TMED6: variants seen among roughly 807,000 people sequenced by gnomAD.
TMED6 encodes transmembrane emp24 domain-containing protein 6.
In TMED6, 17 loss-of-function variants were observed where a neutral mutation model predicts 26.5. That is an observed-to-expected ratio of 0.64 (90% CI 0.44 to 0.96). The LOEUF is 0.96. Ranked by LOEUF, TMED6 falls within the 40% of genes least tolerant of loss-of-function variation. The pLI is 0.00. For synonymous variants in TMED6, 107 were observed against 106.2 expected (o/e 1.01, Z -0.04); for missense variants, 309 against 296.5 (o/e 1.04, Z -0.31).
At chr16:69,344,645 C>T (rs749368508) in intron 3 of TMED6, among the ~76,000 whole-genome samples, 15 of 151,444 alleles carry the variant, frequency 9.9e-5, no homozygotes, top group African/African-American at 1.5e-4. Context: ...TGGTGGCACA[C>T]GCCTGTAATC....
intron 1 of TMED6, among the ~76,000 whole-genome samples, chr16:69,350,895 ATTTC>A (rs1264839097): frequency 4.6e-5 from 7 of 152,196 alleles, no homozygotes; most frequent in Non-Finnish European, 8.8e-5. Flanking sequence ...AAGTTAACCG[ATTTC>A]TAAGATAAAG....
Position 69,348,602 on chromosome 16 carries a change from G to A in TMED6, c.341-666C>T, listed in dbSNP as rs917368982. On this transcript the variant is annotated intron_variant, in intron 2 of 3. Transcript: ENST00000288025. ...GATTGGAAGGCACTACTGGCATGTAGGGGCCAAAGATGTTCAAGATCTTTT... is the reference window on the plus strand; with the variant it reads ...GATTGGAAGGCACTACTGGCATGTAAGGGCCAAAGATGTTCAAGATCTTTT... Among the ~76,000 whole-genome samples, 16 of 152,154 alleles carry A rather than the reference G, an allele frequency of 1.1e-4. No individual in the cohort carries two copies. In the East Asian group the frequency reaches 3.1e-3, roughly 29 times the overall value.
chr16:69,348,331 CAA>C (rs879764191), intron 2 of TMED6: 72 of 147,886 alleles, frequency 4.9e-4, no homozygotes, highest in South Asian at 1.8e-3. Context: ...TTAGGAAAGA[CAA>C]AAAAAAAAAA....
chr16:69,347,873 T>C lies in TMED6; in HGVS notation c.404A>G (p.Asn135Ser). 6.2e-7 allele frequency: 1 copy of C among 1,614,166 alleles called. No individual in the cohort carries two copies. The highest frequency in any genetic ancestry group is 2.2e-5 in the East Asian group (1 of 44,878). ...NHFGSVQVYL[N>S]FGVFYEGPET... Reference sequence around the variant, plus strand: ...AGGCCCCTCATAGAAGACCCCAAAGTTGAGGTACACTTGCACAGAACCGAA... The same window carrying C: ...AGGCCCCTCATAGAAGACCCCAAAGCTGAGGTACACTTGCACAGAACCGAA... Residue 135 changes from asparagine to serine, a missense_variant, in exon 3 of 4, where the codon AAC (asparagine) becomes AGC (serine). Coordinates refer to ENST00000288025, the MANE Select transcript of TMED6 (RefSeq NM_144676.4).
Position 69,351,738 on chromosome 16 carries a change from A to G in TMED6, c.16T>C (p.Phe6Leu), listed in dbSNP as rs76116020. The change falls in exon 1 of 4, where the codon TTT becomes CTT. Residue 6 changes from phenylalanine to leucine, a missense_variant. By Grantham distance (22) the Phe-to-Leu change is conservative (BLOSUM62 0). Coordinates refer to ENST00000288025, the MANE Select transcript of TMED6 (RefSeq NM_144676.4). ...TTCAGAACGACCAGCCCAGCCCCAA[A>G]GAGCAAAGGGGACATGCCGCTTTCT... MSPLL[F>L]GAGLVVLNLV... The G allele has an allele frequency of 0.035, 55,671 of 1,612,904 alleles. 1,105 individuals are homozygous for G. Among genetic ancestry groups the G allele is most frequent in the Non-Finnish European group, 0.041 (48,187 of 1,179,916 alleles).
chr16:69,345,678 C>CAAAA (rs34468905), intron 3 of TMED6, among the ~76,000 whole-genome samples: 4 of 43,430 alleles, frequency 9.2e-5, no homozygotes, highest in Admixed American at 3.5e-4. Flanking sequence ...CTGACTCTCT[C>CAAAA]AAAAAAAAAA....
chr16:69,350,983 G>A (rs2012766884), intron 1 of TMED6, among the ~76,000 whole-genome samples: 3 of 151,958 alleles, frequency 2.0e-5, no homozygotes, highest in Admixed American at 2.0e-4. Context: ...TAAGACCATA[G>A]TATGGGTAAA....
intron 2 of TMED6, 31 bp downstream of exon 2, chr16:69,349,494 T>G: frequency 1.2e-6 from 2 of 1,606,222 alleles, no homozygotes; most frequent in Non-Finnish European, 1.7e-6. Context: ...ACCCTATGAT[T>G]ATTATAATAG....
intron 1 of TMED6, 145 bp downstream of exon 1, chr16:69,351,396 T>G: frequency 4.1e-6 from 3 of 731,458 alleles, no homozygotes; most frequent in East Asian, 2.7e-5. Context: ...GGAGTTTCCC[T>G]CTAACTGCAG....
chr16:69,345,021 G>A (rs1219189858), intron 3 of TMED6, among the ~76,000 whole-genome samples: 9 of 152,008 alleles, frequency 5.9e-5, no homozygotes, highest in African/African-American at 1.2e-4. Context: ...CCCGGGAGGC[G>A]GAGGTTGCAG....
chr16:69,347,824 T>C lies in TMED6; in HGVS notation c.453A>G (p.Glu151=). The C allele has an allele frequency of 6.2e-7, 1 of 1,614,216 alleles. No homozygotes were observed. The highest frequency in any genetic ancestry group is 1.1e-5 in the South Asian group (1 of 91,090). ...EGPETDHKQK[E]RKQLNDTLDA... Reference sequence around the variant, plus strand: ...CCAGAGTATCATTCAGTTGTTTTCTTTCCTTCTGTTTGTGATCAGTCTCAG... The same window carrying C: ...CCAGAGTATCATTCAGTTGTTTTCTCTCCTTCTGTTTGTGATCAGTCTCAG... Residue 151 remains glutamate (E), a synonymous_variant, in exon 3 of 4, where the codon GAA becomes GAG. Transcript: ENST00000288025.
rs1026872157 is a variant in TMED6, at chr16:69,343,252, T to C, written c.*155A>G. 27 of 657,328 alleles carry C rather than the reference T, an allele frequency of 4.1e-5. No individual in the cohort carries two copies. The highest frequency in any genetic ancestry group is 8.9e-5 in the Admixed American group (3 of 33,776). 40.7% of individuals were successfully genotyped at this position (657,328 alleles called of 1,614,324 possible). On this transcript the variant is annotated 3_prime_UTR_variant, in exon 4 of 4. Coordinates refer to ENST00000288025, the MANE Select transcript of TMED6 (RefSeq NM_144676.4). ...TTTAATACATACTTCTTCAGAACTT[T>C]TTCACTGTTATGATTTTATTGCCAT...
rs761371860 is a variant in TMED6, at chr16:69,347,925, G to A, written c.352C>T (p.Leu118Phe). ...FSTQETGFYQ[L>F]CLSNQHNHFG... is the part of the protein sequence containing the mutation. Reference sequence around the variant, plus strand: ...TGATTATGCTGATTACTTAGACAAAGCTGATAAAAACCTGTAGGAATTCTT... The same window carrying A: ...TGATTATGCTGATTACTTAGACAAAACTGATAAAAACCTGTAGGAATTCTT... Residue 118 changes from leucine to phenylalanine, a missense_variant, in exon 3 of 4, where the codon CTT (leucine) becomes TTT (phenylalanine). Coordinates refer to ENST00000288025, the MANE Select transcript of TMED6 (RefSeq NM_144676.4). 21 of 1,613,918 alleles carry A rather than the reference G, an allele frequency of 1.3e-5. No homozygotes were observed. The highest frequency in any genetic ancestry group is 1.7e-5 in the Non-Finnish European group (20 of 1,179,932).
chr16:69,351,634 A>G lies in TMED6; in HGVS notation c.120T>C (p.Asp40=). Residue 40 remains aspartate, a synonymous_variant, in exon 1 of 4, where the codon GAT becomes GAC. Transcript: ENST00000288025. ...GTATCATGATGGCAAAGTCATATCG[A>G]TCAGCTCCACGGAAGAGTGGCTGGT... ...SGDQPLFRGA[D]RYDFAIMIPP... is the part of the protein sequence containing the mutation. 6.2e-7 allele frequency: 1 copy of G among 1,614,080 alleles called. No homozygotes were observed. The highest frequency in any genetic ancestry group is 1.3e-5 in the African/African-American group (1 of 75,002).
rs200839230 is a variant in TMED6 at position 69,351,628 on chromosome 16, A to G, written c.126T>C (p.Tyr42=). The change falls in exon 1 of 4, where the codon TAT becomes TAC. Residue 42 remains tyrosine, a synonymous_variant. Transcript: ENST00000288025. Reference sequence around the variant, plus strand: ...CTGGAGGTATCATGATGGCAAAGTCATATCGATCAGCTCCACGGAAGAGTG... The same window carrying G: ...CTGGAGGTATCATGATGGCAAAGTCGTATCGATCAGCTCCACGGAAGAGTG... The part of the protein sequence containing the change: ...DQPLFRGADR[Y]DFAIMIPPGG... 58 of 1,614,126 alleles carry G rather than the reference A, an allele frequency of 3.6e-5. No individual in the cohort carries two copies. The highest frequency in any genetic ancestry group is 4.5e-5 in the East Asian group (2 of 44,882).
At chr16:69,346,789 C>T (rs886116310) in intron 3 of TMED6, among the ~76,000 whole-genome samples, 5 of 152,050 alleles carry the variant, frequency 3.3e-5, no homozygotes, top group Non-Finnish European at 7.4e-5. Context: ...TCACAAAATC[C>T]CATGTACTGT....
chr16:69,346,057 CATT>C (rs2012681797), intron 3 of TMED6, among the ~76,000 whole-genome samples: 1 of 152,188 alleles, frequency 6.6e-6, no homozygotes, highest in Admixed American at 6.5e-5. Flanking sequence ...AGATGCTCAA[CATT>C]ATTAATCATT....
At chr16:69,350,221 G>C (rs1365515668) in intron 1 of TMED6, among the ~76,000 whole-genome samples, 1 of 147,390 alleles carries the variant, frequency 6.8e-6, no homozygotes, top group Non-Finnish European at 1.5e-5. Flanking sequence ...GCAGTGACTC[G>C]AGATCATGCC....
At chr16:69,349,762 G>A in intron 1 of TMED6, 111 bp from the exon 2 acceptor site, 6 of 1,412,948 alleles carry the variant, frequency 4.2e-6, no homozygotes, top group Non-Finnish European at 5.8e-6. Context: ...TCTGTCTGGG[G>A]TGGGACTGCC....
Sources: allele counts gnomAD v4.1 joint callset (sites outside exome capture counted in the v4.1 genomes callset), GRCh38; gene constraint gnomAD v4.1.1; transcripts MANE v1.5; gene names NCBI Gene and HGNC (gene_info 2026-07-23, HGNC 2026-07-21).